Variants in PRKCE observed in about 807,000 individuals in gnomAD.
PRKCE encodes the protein protein kinase C epsilon.
PRKCE carries 16 observed loss-of-function variants against 85.4 expected under a neutral mutation model. The observed-to-expected ratio is 0.19, with a 90% CI of 0.13 to 0.28. The LOEUF is 0.28. Ranked by LOEUF, PRKCE falls within the 10% of genes least tolerant of loss-of-function variation. The pLI is 1.00. For missense variants in PRKCE, 573 were observed against 975.2 expected (o/e 0.59, Z 5.49); for synonymous variants, 388 against 371.5 (o/e 1.04, Z -0.51).
At chr2:46,126,381 A>G (rs978380738) in intron 11 of PRKCE, among the ~76,000 whole-genome samples, 1 of 152,064 alleles carries the variant, frequency 6.6e-6, no homozygotes, top group African/African-American at 2.4e-5. Context: ...TGTAATATAT[A>G]CTACACCAGA....
At position 45,712,313 on chromosome 2, in the gene PRKCE, AC is replaced by A. The variant is rs1428877823; in HGVS notation, c.348+59866del. ...CAGGCATGCACCACCACGCCCAGCT[AC>A]AGCTAATTTTTTGTAGTTTTAGTAG... is the stretch of plus-strand genomic sequence containing the variant. On this transcript the variant is annotated intron_variant, in intron 1 of 14. Coordinates refer to ENST00000306156, the MANE Select transcript of PRKCE (RefSeq NM_005400.3). Among the ~76,000 whole-genome samples, 10 of 151,722 alleles carry A rather than the reference AC, an allele frequency of 6.6e-5. No individual in the cohort carries two copies. In the East Asian group the frequency reaches 1.7e-3, roughly 26 times the overall value.
intron 1 of PRKCE, among the ~76,000 whole-genome samples, chr2:45,824,457 G>A (rs892161562): frequency 3.3e-5 from 5 of 152,108 alleles, no homozygotes; most frequent in Non-Finnish European, 7.3e-5. Flanking sequence ...TCCCCAGCAG[G>A]GCATTGGGTT....
intron 1 of PRKCE, among the ~76,000 whole-genome samples, chr2:45,775,627 T>G (rs986952175): frequency 6.6e-6 from 1 of 152,170 alleles, no homozygotes; most frequent in Non-Finnish European, 1.5e-5. Context: ...TCATTTCCAC[T>G]ACCCTGGTCT....
chr2:45,991,653 TCATA>T (rs1441521815), intron 6 of PRKCE, among the ~76,000 whole-genome samples: 1 of 152,238 alleles, frequency 6.6e-6, no homozygotes, highest in African/African-American at 2.4e-5. Context: ...ACAGACATCC[TCATA>T]CATACCTTTT....
chr2:46,097,498 A>C (rs112339436), intron 11 of PRKCE, among the ~76,000 whole-genome samples: 17,786 of 140,656 alleles, frequency 0.13, 1,266 homozygotes, highest in Middle Eastern at 0.21. Flanking sequence ...CCAGCCTGGG[A>C]GACAGAGCGA....
intron 2 of PRKCE, 69 bp downstream of exon 2, chr2:45,843,132 C>CT: frequency 1.5e-6 from 2 of 1,360,344 alleles, no homozygotes. Context: ...CTCTTCTTTC[C>CT]CCCCCTTGGC....
At chr2:45,721,879 A>T (rs754149614) in intron 1 of PRKCE, among the ~76,000 whole-genome samples, 14 of 128,728 alleles carry the variant, frequency 1.1e-4, no homozygotes, top group Non-Finnish European at 1.9e-4. Flanking sequence ...CCTGACTCTT[A>T]AAAAAAAAAA....
intron 11 of PRKCE, among the ~76,000 whole-genome samples, chr2:46,123,214 C>CTTTTTTTTTTTGTTTTTTT (rs1673502278): frequency 3.7e-5 from 1 of 27,352 alleles, no homozygotes; most frequent in Non-Finnish European, 6.6e-5. Context: ...AAACACTTGC[C>CTTTTTTTTTTTGTTTTTTT]TTTTTTTTTT....
rs1174743263 is a variant in PRKCE, at chr2:45,994,959, G to T, written c.824-6445G>T. Among the ~76,000 whole-genome samples the T allele has an allele frequency of 7.2e-5, 11 of 152,158 alleles. No individual in the cohort carries two copies. In the East Asian group the frequency reaches 2.1e-3, roughly 29 times the overall value. Reference sequence around the variant, plus strand: ...TCCTGAATGGCATTGGGTGTTATCAGTTACCTCCTTGTATTTTGGCCATTT... The same window carrying T: ...TCCTGAATGGCATTGGGTGTTATCATTTACCTCCTTGTATTTTGGCCATTT... On this transcript the variant is annotated intron_variant, in intron 6 of 14. Coordinates refer to ENST00000306156, the MANE Select transcript of PRKCE (RefSeq NM_005400.3).
intron 1 of PRKCE, chr2:45,674,878 C>T (rs1676349325): frequency 1.3e-5 from 2 of 152,144 alleles, no homozygotes; most frequent in African/African-American, 4.8e-5. Context: ...AACTTGAAGG[C>T]AAAGTGAAGC....
intron 11 of PRKCE, among the ~76,000 whole-genome samples, chr2:46,094,663 C>T (rs1670507798): frequency 6.6e-6 from 1 of 151,986 alleles, no homozygotes. Flanking sequence ...GGGAGAGCAT[C>T]AGAAAGAATA....
chr2:46,027,914 A>G (rs7607941), intron 10 of PRKCE, among the ~76,000 whole-genome samples: 102,132 of 151,482 alleles, frequency 0.67, 36,588 homozygotes, highest in African/African-American at 0.92. Flanking sequence ...ACCCTGGGGG[A>G]CCTCCCTCTT....
At chr2:45,888,471 T>TTC (rs1288644216) in intron 2 of PRKCE, among the ~76,000 whole-genome samples, 1 of 144,032 alleles carries the variant, frequency 6.9e-6, no homozygotes, top group East Asian at 2.1e-4. Flanking sequence ...CAGTCTTTTT[T>TTC]TTTTTTTTTT....
chr2:45,918,268 T>C (rs1241477078), intron 2 of PRKCE, among the ~76,000 whole-genome samples: 1 of 152,158 alleles, frequency 6.6e-6, no homozygotes, highest in East Asian at 1.9e-4. Context: ...ATGTGCTGGC[T>C]GTGGAAGGGG....
At chr2:45,850,614 T>TAAC (rs1692169012) in intron 2 of PRKCE, among the ~76,000 whole-genome samples, 1 of 152,252 alleles carries the variant, frequency 6.6e-6, no homozygotes, top group Admixed American at 6.5e-5. Context: ...TGGCCAGTGC[T>TAAC]AACAGTTTTA....
At chr2:45,788,382 T>C (rs1474521679) in intron 1 of PRKCE, among the ~76,000 whole-genome samples, 1 of 152,226 alleles carries the variant, frequency 6.6e-6, no homozygotes, top group African/African-American at 2.4e-5. Flanking sequence ...CACGTTGATG[T>C]TCACAGAGCC....
At chr2:46,064,353 C>T (rs781071143) in intron 10 of PRKCE, among the ~76,000 whole-genome samples, 2 of 150,682 alleles carry the variant, frequency 1.3e-5, no homozygotes, top group Admixed American at 1.3e-4. Flanking sequence ...TCTCCTTCGA[C>T]ACTCAAAAGT....
At chr2:46,002,123 C>T (rs1375092125) in intron 7 of PRKCE, among the ~76,000 whole-genome samples, 2 of 152,198 alleles carry the variant, frequency 1.3e-5, no homozygotes, top group African/African-American at 4.8e-5. Context: ...AGAAGAGATC[C>T]ATTTGCCAAA....
intron 1 of PRKCE, among the ~76,000 whole-genome samples, chr2:45,722,255 T>C (rs1044075345): frequency 6.6e-6 from 1 of 152,230 alleles, no homozygotes; most frequent in Admixed American, 6.5e-5. Context: ...TATTATTCTT[T>C]AAGTTCTAGG....
Sources: allele counts gnomAD v4.1 joint callset (sites outside exome capture counted in the v4.1 genomes callset), GRCh38; gene constraint gnomAD v4.1.1; transcripts MANE v1.5; gene names NCBI Gene and HGNC (gene_info 2026-07-23, HGNC 2026-07-21).